TSPAN3: variants seen among roughly 807,000 people sequenced by gnomAD.
TSPAN3 encodes tetraspanin-3.
TSPAN3 carries 9 observed loss-of-function variants against 31.1 expected under a neutral mutation model. The ratio of observed to expected loss-of-function variants is 0.29; its 90% CI spans 0.17 to 0.50. The LOEUF is 0.50. TSPAN3 is among the 20% of genes least tolerant of loss of function. The pLI is 0.98. For missense variants in TSPAN3, 252 were observed against 313.5 expected, an observed-to-expected ratio of 0.80 and a Z score of 1.48; for synonymous variants, 129 against 114.3, an observed-to-expected ratio of 1.13 and a Z score of -0.82.
rs1441204634 is a variant in TSPAN3, at chr15:77,042,569, C to T, written c.*4266G>A. The stretch of plus-strand genomic sequence containing the variant: ...ATCTGAGGAACTCTTCCCCCATCCC[C>T]AAAGGTCAATGATGAAGTCGACTTT... On this transcript the variant is annotated 3_prime_UTR_variant, in exon 7 of 7. Coordinates refer to ENST00000267970, the MANE Select transcript of TSPAN3 (RefSeq NM_005724.6). 2 of 152,120 alleles carry T rather than the reference C, an allele frequency of 1.3e-5. No individual in the cohort carries two copies. Among genetic ancestry groups the T allele is most frequent in the African/African-American group, 4.8e-5 (2 of 41,404 alleles). The allele number at this position is 152,120 out of a possible 1,614,324, so 9.4% of individuals were successfully genotyped here.
intron 1 of TSPAN3, among the ~76,000 whole-genome samples, chr15:77,069,670 A>G (rs1030244666): frequency 5.3e-5 from 8 of 152,182 alleles, no homozygotes; most frequent in Non-Finnish European, 1.0e-4. Flanking sequence ...CTTTTATGAG[A>G]CAGCTGTCAG....
At chr15:77,056,005 A>G in intron 2 of TSPAN3, 59 bp downstream of exon 2, 1 of 1,533,296 alleles carries the variant, frequency 6.5e-7, no homozygotes, top group Non-Finnish European at 8.8e-7. Flanking sequence ...AAGGAGTCTC[A>G]TGTTCAAGGA....
At chr15:77,064,740 A>G (rs2076821543) in intron 1 of TSPAN3, 1 of 152,274 alleles carries the variant, frequency 6.6e-6, no homozygotes, top group Non-Finnish European at 1.5e-5. Context: ...TCTTCTAGTG[A>G]ATTGAAAACA....
At chr15:77,054,431 C>A in intron 3 of TSPAN3, 152 bp from the exon 4 acceptor site, 1 of 559,574 alleles carries the variant, frequency 1.8e-6, no homozygotes, top group East Asian at 3.1e-5. Context: ...CCTTCATCTT[C>A]ATATAGATAT....
At chr15:77,067,074 C>T (rs1318938154) in intron 1 of TSPAN3, among the ~76,000 whole-genome samples, 1 of 151,996 alleles carries the variant, frequency 6.6e-6, no homozygotes, top group East Asian at 1.9e-4. Flanking sequence ...ATGGATTAAT[C>T]CATTCATGAG....
intron 1 of TSPAN3, chr15:77,063,482 G>C (rs1211285179): frequency 6.6e-6 from 1 of 152,000 alleles, no homozygotes; most frequent in African/African-American, 2.4e-5. Context: ...CTTGTAGCTA[G>C]GATTACAGGC....
At position 77,046,568 on chromosome 15, in the gene TSPAN3, A is replaced by G. The variant is rs2076692553; in HGVS notation, c.*267T>C. On this transcript the variant is annotated 3_prime_UTR_variant, in exon 7 of 7. Transcript: ENST00000267970. Reference sequence around the variant, plus strand: ...TCGTGTCCTCCTTTAATTCTACCACACTACATGACTCGCAATTGGTTCTGA... The same window carrying G: ...TCGTGTCCTCCTTTAATTCTACCACGCTACATGACTCGCAATTGGTTCTGA... 4.0e-6 allele frequency: 2 copies of G among 503,926 alleles called. No individual in the cohort carries two copies. The highest frequency in any genetic ancestry group is 3.6e-5 in the South Asian group (1 of 28,124). 31.2% of individuals were successfully genotyped at this position (503,926 alleles called of 1,614,324 possible).
chr15:77,050,428 C>T (rs181598306), intron 6 of TSPAN3, among the ~76,000 whole-genome samples: 2 of 152,216 alleles, frequency 1.3e-5, no homozygotes, highest in Admixed American at 6.5e-5. Flanking sequence ...ACACATATGG[C>T]AGTCATATTT....
intron 1 of TSPAN3, among the ~76,000 whole-genome samples, chr15:77,068,880 C>G (rs1328828128): frequency 6.6e-6 from 1 of 152,112 alleles, no homozygotes; most frequent in African/African-American, 2.4e-5. Flanking sequence ...TTTGTCCAGT[C>G]TACCACTGAT....
rs996469808 is a variant in TSPAN3 at position 77,045,137 on chromosome 15, C to A, written c.*1698G>T. On this transcript the variant is annotated 3_prime_UTR_variant, in exon 7 of 7. Transcript: ENST00000267970. ...CATGAGTCACACCCCCAGATGTGTTCTCTAACTACTCCCTAGCTCTGTGAC... is the reference window on the plus strand; with the variant it reads ...CATGAGTCACACCCCCAGATGTGTTATCTAACTACTCCCTAGCTCTGTGAC... 2 of 152,160 alleles carry A rather than the reference C, an allele frequency of 1.3e-5. No homozygotes were observed. Among genetic ancestry groups the A allele is most frequent in the African/African-American group, 4.8e-5 (2 of 41,414 alleles). The allele number at this position is 152,160 out of a possible 1,614,324, so 9.4% of individuals were successfully genotyped here.
intron 1 of TSPAN3, among the ~76,000 whole-genome samples, chr15:77,061,988 A>G (rs752153625): frequency 2.6e-5 from 4 of 152,252 alleles, no homozygotes; most frequent in Non-Finnish European, 4.4e-5. Context: ...AGAAAGGAAA[A>G]AAGTCAAGAA....
chr15:77,067,058 C>G (rs1338062471), intron 1 of TSPAN3, among the ~76,000 whole-genome samples: 1 of 151,978 alleles, frequency 6.6e-6, no homozygotes, highest in African/African-American at 2.4e-5. Context: ...ATCCATTAAT[C>G]CATGAATGGA....
chr15:77,061,244 T>C (rs911379155), intron 1 of TSPAN3, among the ~76,000 whole-genome samples: 3 of 152,132 alleles, frequency 2.0e-5, no homozygotes, highest in African/African-American at 7.2e-5. Context: ...TGTTAAAATC[T>C]GGGCCAGGCG....
chr15:77,052,762 G>A lies in TSPAN3; in HGVS notation c.585+15C>T. On this transcript the variant is annotated intron_variant, in intron 5 of 6. Coordinates refer to ENST00000267970, the MANE Select transcript of TSPAN3 (RefSeq NM_005724.6). ...GTTAATCAAGCTAGACTCAAGTCGT[G>A]GCCAAGAGACTCACCTCAGCATAGA... 6.2e-7 allele frequency: 1 copy of A among 1,609,930 alleles called. No homozygotes were observed. The highest frequency in any genetic ancestry group is 1.1e-5 in the South Asian group (1 of 90,988).
At chr15:77,056,323 A>G in intron 1 of TSPAN3, 68 bp from the exon 2 acceptor site, 1 of 1,272,708 alleles carries the variant, frequency 7.9e-7, no homozygotes, top group South Asian at 1.6e-5. Context: ...ATTGCTTAGT[A>G]TGGTATAATT....
intron 3 of TSPAN3, chr15:77,055,551 T>C (rs905186241): frequency 5.1e-5 from 18 of 355,120 alleles, no homozygotes; most frequent in Non-Finnish European, 7.6e-5. Flanking sequence ...AATTATTCAT[T>C]TGCAGCTATA....
intron 1 of TSPAN3, among the ~76,000 whole-genome samples, chr15:77,068,622 C>A (rs1236724628): frequency 6.6e-6 from 1 of 152,162 alleles, no homozygotes; most frequent in African/African-American, 2.4e-5. Flanking sequence ...TCTTAGGTAG[C>A]TTACTAGCTG....
At chr15:77,065,359 A>G (rs1481120878) in intron 1 of TSPAN3, among the ~76,000 whole-genome samples, 1 of 152,248 alleles carries the variant, frequency 6.6e-6, no homozygotes, top group African/African-American at 2.4e-5. Context: ...CTCAAATAGT[A>G]GTGTTATATT....
intron 1 of TSPAN3, among the ~76,000 whole-genome samples, chr15:77,069,703 TG>T (rs2076854929): frequency 6.6e-6 from 1 of 152,072 alleles, no homozygotes; most frequent in African/African-American, 2.4e-5. Flanking sequence ...TATCCCTTGT[TG>T]GGGGGTCGGG....
Sources: gnomAD v4.1 joint callset for allele counts (sites outside exome capture counted in the v4.1 genomes callset) on GRCh38, gnomAD v4.1.1 for gene constraint, MANE v1.5 for transcripts, NCBI Gene and HGNC (gene_info 2026-07-23, HGNC 2026-07-21) for gene names.